PECAM1: variants seen among roughly 807,000 people sequenced by gnomAD.
PECAM1 encodes platelet endothelial cell adhesion molecule.
A neutral mutation model predicts 13.8 loss-of-function variants in PECAM1; 8 were observed. The observed-to-expected ratio is 0.58, with a 90% CI of 0.34 to 1.05. The LOEUF is 1.05. Ranked by LOEUF, PECAM1 falls within the 50% of genes least tolerant of loss-of-function variation. PECAM1 has a pLI of 0.03. For synonymous variants in PECAM1, 136 were observed against 52.6 expected (o/e 2.58, Z -6.86); for missense variants, 304 against 141.2 (o/e 2.15, Z -5.84).
chr17:64,339,318 C>G (rs1193367901), intron 14 of PECAM1, among the ~76,000 whole-genome samples: 1 of 152,164 alleles, frequency 6.6e-6, no homozygotes, highest in East Asian at 1.9e-4. Context: ...GCGTCTTAAC[C>G]TCTCTATGCC....
At chr17:64,386,929 T>C (rs2036605582) in intron 2 of PECAM1, among the ~76,000 whole-genome samples, 1 of 151,070 alleles carries the variant, frequency 6.6e-6, no homozygotes. Context: ...ACTGTGAAGG[T>C]GGGAGGAGTG....
intron 14 of PECAM1, among the ~76,000 whole-genome samples, chr17:64,341,337 C>T (rs981516029): frequency 1.3e-5 from 2 of 152,086 alleles, no homozygotes; most frequent in East Asian, 1.9e-4. Flanking sequence ...GCAAAACACT[C>T]GACGTCCAAG....
intron 2 of PECAM1, among the ~76,000 whole-genome samples, chr17:64,387,796 C>T (rs1427743284): frequency 1.3e-5 from 2 of 152,062 alleles, no homozygotes; most frequent in Non-Finnish European, 2.9e-5. Context: ...GAGGCAGCTG[C>T]AGTGAGGTGC....
chr17:64,366,042 C>T (rs1175953432), intron 5 of PECAM1, among the ~76,000 whole-genome samples: 1 of 151,576 alleles, frequency 6.6e-6, no homozygotes, highest in African/African-American at 2.4e-5. Context: ...AGGCAACCTA[C>T]AAAATGGGAG....
Position 64,330,177 on chromosome 17 carries a change from G to A in PECAM1, c.2165-455C>T, listed in dbSNP as rs142948716. 5.7e-3 allele frequency among the ~76,000 whole-genome samples: 871 copies of A among 152,008 alleles called. 8 individuals carry two copies. Among genetic ancestry groups the A allele is most frequent in the African/African-American group, 0.02 (835 of 41,464 alleles). On this transcript the variant is annotated intron_variant, in intron 14 of 15. Coordinates refer to ENST00000563924, the MANE Select transcript of PECAM1 (RefSeq NM_000442.5). ...ACTACAGGCGCACACCACCATGCCT[G>A]GCTAATTTTTTTTGTATTTTTTGTA...
chr17:64,375,007 CCA>C (rs2036325568), intron 4 of PECAM1, 42 bp downstream of exon 4: 9 of 466,700 alleles, frequency 1.9e-5, no homozygotes, highest in African/African-American at 1.8e-4. Flanking sequence ...CCATACCAAA[CCA>C]GAAACCACAA....
Position 64,357,738 on chromosome 17 carries a change from T to C in PECAM1, c.1493-1340A>G, listed in dbSNP as rs1598027771. 2.0e-5 allele frequency among the ~76,000 whole-genome samples: 3 copies of C among 152,302 alleles called. 1 individual carries two copies. The highest frequency in any genetic ancestry group is 1.5e-5 in the Non-Finnish European group (1 of 68,022). On this transcript the variant is annotated intron_variant, in intron 7 of 15. Coordinates refer to ENST00000563924, the MANE Select transcript of PECAM1 (RefSeq NM_000442.5). ...CTTCTGTGGTTATTGTGAGTTTCCA[T>C]TGGAGCAATTTACTACAGTACTTCA...
At chr17:64,381,140 T>C (rs1308852907) in intron 2 of PECAM1, among the ~76,000 whole-genome samples, 2 of 152,226 alleles carry the variant, frequency 1.3e-5, no homozygotes, top group Non-Finnish European at 2.9e-5. Flanking sequence ...GTCTGGGATG[T>C]TGATGAGATA....
Position 64,337,557 on chromosome 17 carries a change from G to T in PECAM1, c.2164+4077C>A, listed in dbSNP as rs946900549. 3.5e-3 allele frequency among the ~76,000 whole-genome samples: 529 copies of T among 152,228 alleles called. 1 individual carries two copies. Among genetic ancestry groups the T allele is most frequent in the African/African-American group, 0.012 (512 of 41,534 alleles). On this transcript the variant is annotated intron_variant, in intron 14 of 15. Transcript: ENST00000563924. The stretch of plus-strand genomic sequence containing the variant: ...GAGTCTCTGAGGGGTAAGACATCTT[G>T]GTCACAGTAACTCAGCTGATTGGGG...
At chr17:64,342,576 G>C (rs1056736066) in intron 13 of PECAM1, among the ~76,000 whole-genome samples, 14 of 152,154 alleles carry the variant, frequency 9.2e-5, no homozygotes, top group Non-Finnish European at 1.8e-4. Flanking sequence ...CCTCACTGCA[G>C]CTTCTGGTTG....
chr17:64,323,807 C>A lies in PECAM1; in HGVS notation c.*9G>T, dbSNP rs782180327. The A allele has an allele frequency of 1.1e-5, 10 of 918,550 alleles. No homozygotes were observed. Among genetic ancestry groups the A allele is most frequent in the Admixed American group, 1.7e-5 (1 of 59,144 alleles). The allele number at this position is 918,550 out of a possible 1,614,324, so 56.9% of individuals were successfully genotyped here. ...TGTCCTTCCAGGGATGTGCATCTGG[C>A]CTTGCTGTCTAAGTTCCATCAAGGG... On this transcript the variant is annotated 3_prime_UTR_variant, in exon 16 of 16. Transcript: ENST00000563924.
intron 5 of PECAM1, among the ~76,000 whole-genome samples, chr17:64,366,622 C>T (rs1323022004): frequency 1.3e-5 from 2 of 151,928 alleles, no homozygotes; most frequent in Non-Finnish European, 2.9e-5. Flanking sequence ...GGCACATATA[C>T]ACCATGGAAT....
chr17:64,374,697 T>A (rs1333901744), intron 4 of PECAM1, among the ~76,000 whole-genome samples: 3 of 151,908 alleles, frequency 2.0e-5, no homozygotes, highest in Admixed American at 2.0e-4. Flanking sequence ...GGCATAAGAA[T>A]TGCTTGAACC....
chr17:64,341,801 T>C (rs1442741143), intron 13 of PECAM1, 111 bp from the exon 14 acceptor site: 11 of 403,432 alleles, frequency 2.7e-5, no homozygotes, highest in Non-Finnish European at 4.5e-5. Context: ...ACCCCACCAC[T>C]GCACCCCACC....
chr17:64,369,887 G>A lies in PECAM1; in HGVS notation c.830C>T (p.Ala277Val), dbSNP rs1249475661. 2.0e-5 allele frequency: 8 copies of A among 398,620 alleles called. No homozygotes were observed. Among genetic ancestry groups the A allele is most frequent in the East Asian group, 1.8e-4 (5 of 28,084 alleles). The allele number at this position is 398,620 out of a possible 1,614,324, so 24.7% of individuals were successfully genotyped here. ...FPEIIIQKDK[A>V]IVAHNRHGNK... ...GCCATGTCTGTTGTGGGCCACAATC[G>A]CCTTGTCCTTCTGAATTATGATTTC... The change falls in exon 5 of 16, where the codon GCG (alanine) becomes GTG (valine). Residue 277 changes from alanine to valine, a missense_variant. By Grantham distance (64) the Ala-to-Val change is moderately conservative (BLOSUM62 0). Coordinates refer to ENST00000563924, the MANE Select transcript of PECAM1 (RefSeq NM_000442.5).
At chr17:64,367,475 G>C (rs915823056) in intron 5 of PECAM1, among the ~76,000 whole-genome samples, 1 of 151,512 alleles carries the variant, frequency 6.6e-6, no homozygotes, top group Non-Finnish European at 1.5e-5. Context: ...GCTTGAACCC[G>C]GGAGGCGGAG....
At chr17:64,387,316 C>T (rs1246663087) in intron 2 of PECAM1, among the ~76,000 whole-genome samples, 8 of 151,390 alleles carry the variant, frequency 5.3e-5, no homozygotes, top group South Asian at 2.1e-4. Flanking sequence ...TGCTGGGAGG[C>T]GAGGCGTGTC....
Position 64,321,508 on chromosome 17 carries a change from AGC to A in PECAM1, c.*2306_*2307del. The A allele has an allele frequency of 1.0e-6, 1 of 964,862 alleles. No homozygotes were observed. Among genetic ancestry groups the A allele is most frequent in the Admixed American group, 5.5e-5 (1 of 18,250 alleles). 59.8% of individuals were successfully genotyped at this position (964,862 alleles called of 1,614,324 possible). On this transcript the variant is annotated 3_prime_UTR_variant, in exon 16 of 16. Transcript: ENST00000563924. ...GGCGGTGGCTCATGCCTGCAATCCC[AGC>A]ACTTTGCGAGGCCAAGGAGGGAGGA... is the stretch of plus-strand genomic sequence containing the variant.
At chr17:64,373,891 G>A (rs1318264897) in intron 4 of PECAM1, among the ~76,000 whole-genome samples, 3 of 152,068 alleles carry the variant, frequency 2.0e-5, no homozygotes, top group South Asian at 2.1e-4. Flanking sequence ...AATGAGACCG[G>A]GTCCTGGGAG....
Sources: gnomAD v4.1 joint callset for allele counts (sites outside exome capture counted in the v4.1 genomes callset) on GRCh38, gnomAD v4.1.1 for gene constraint, MANE v1.5 for transcripts, NCBI Gene and HGNC (gene_info 2026-07-23, HGNC 2026-07-21) for gene names.